Variants in FRMD3 observed in about 807,000 individuals in gnomAD.
FRMD3 encodes FERM domain-containing protein 3.
Under a neutral mutation model 70.2 loss-of-function variants are expected in FRMD3, and 33 were observed. That is an observed-to-expected ratio of 0.47 (90% confidence interval 0.36 to 0.63). FRMD3 has a LOEUF of 0.63. FRMD3 is among the 20% of genes least tolerant of loss of function. The pLI is 0.00. For synonymous variants in FRMD3, 279 were observed against 255.9 expected, an observed-to-expected ratio of 1.09 and a Z score of -0.86; for missense variants, 632 against 711.4, an observed-to-expected ratio of 0.89 and a Z score of 1.27.
At chr9:83,375,257 A>T (rs1177689352) in intron 2 of FRMD3, among the ~76,000 whole-genome samples, 2 of 152,256 alleles carry the variant, frequency 1.3e-5, no homozygotes, top group Admixed American at 6.5e-5. Context: ...CATGCCTGAA[A>T]GGTATTTGCC....
intron 12 of FRMD3, among the ~76,000 whole-genome samples, chr9:83,296,232 G>A (rs566370059): frequency 1.8e-4 from 27 of 152,320 alleles, no homozygotes; most frequent in African/African-American, 6.5e-4. Context: ...CAGCTACTGG[G>A]ATGGAAGGAG....
At chr9:83,324,697 G>T (rs776827695) in intron 6 of FRMD3, among the ~76,000 whole-genome samples, 4 of 152,060 alleles carry the variant, frequency 2.6e-5, no homozygotes, top group Non-Finnish European at 5.9e-5. Context: ...TTTTTATATT[G>T]CCAGGCATAT....
At chr9:83,526,011 T>G (rs1371549103) in intron 1 of FRMD3, among the ~76,000 whole-genome samples, 2 of 152,230 alleles carry the variant, frequency 1.3e-5, no homozygotes, top group Non-Finnish European at 2.9e-5. Flanking sequence ...CAGACCTGTG[T>G]CTCTGGTAAC....
At chr9:83,398,135 C>A (rs1385684591) in intron 1 of FRMD3, among the ~76,000 whole-genome samples, 2 of 152,094 alleles carry the variant, frequency 1.3e-5, no homozygotes, top group Non-Finnish European at 2.9e-5. Context: ...AAAACTCAAG[C>A]CTATTTGTGT....
At chr9:83,543,720 G>T in the FRMD3 span, among the ~76,000 whole-genome samples, 1 of 152,206 alleles carries the variant, frequency 6.6e-6, no homozygotes, top group Admixed American at 6.5e-5. Context: ...GGGAACACCT[G>T]TTAGGACAAA....
rs547818528 is a variant in FRMD3, at chr9:83,491,011, T to C, written c.147+47074A>G. ...GACTTTGACAACCACCACATTTATA[T>C]TTCACTCTAGGATAATCACAATAAA... On this transcript the variant is annotated intron_variant, in intron 1 of 13. Transcript: ENST00000304195. Among the ~76,000 whole-genome samples, 23 of 152,306 alleles carry C rather than the reference T, an allele frequency of 1.5e-4. 1 individual carries two copies. In the South Asian group the frequency reaches 4.8e-3, roughly 32 times the overall value.
chr9:83,392,380 T>C (rs1167870020), intron 1 of FRMD3, among the ~76,000 whole-genome samples: 2 of 152,132 alleles, frequency 1.3e-5, no homozygotes, highest in Non-Finnish European at 2.9e-5. Flanking sequence ...TAAGCTCAGT[T>C]CTTGCACTAA....
intron 1 of FRMD3, among the ~76,000 whole-genome samples, chr9:83,535,454 C>T (rs1038998391): frequency 1.3e-5 from 2 of 152,108 alleles, no homozygotes; most frequent in Non-Finnish European, 2.9e-5. Context: ...ATAGGCAGCA[C>T]TCCTGTAGTG....
At chr9:83,375,730 G>A (rs2131264124) in intron 2 of FRMD3, among the ~76,000 whole-genome samples, 1 of 152,310 alleles carries the variant, frequency 6.6e-6, no homozygotes, top group Non-Finnish European at 1.5e-5. Flanking sequence ...GGTGGAGGGT[G>A]GGAGGAGGGA....
chr9:83,352,655 A>T (rs1824199499), intron 3 of FRMD3, among the ~76,000 whole-genome samples: 1 of 152,076 alleles, frequency 6.6e-6, no homozygotes, highest in Non-Finnish European at 1.5e-5. Context: ...CCTAAAATAA[A>T]CATCCTGGTC....
intron 1 of FRMD3, among the ~76,000 whole-genome samples, chr9:83,399,368 G>A (rs968028548): frequency 2.0e-5 from 3 of 152,026 alleles, no homozygotes; most frequent in African/African-American, 4.8e-5. Context: ...CTAGTCATTC[G>A]GTCATTTCTG....
intron 1 of FRMD3, among the ~76,000 whole-genome samples, chr9:83,440,306 G>A (rs946475878): frequency 6.6e-6 from 1 of 152,232 alleles, no homozygotes; most frequent in African/African-American, 2.4e-5. Context: ...AAATACAAAT[G>A]TAATCAATAC....
At chr9:83,273,561 T>G (rs1833685428) in intron 13 of FRMD3, among the ~76,000 whole-genome samples, 1 of 146,758 alleles carries the variant, frequency 6.8e-6, no homozygotes, top group Admixed American at 6.9e-5. Context: ...CTGCTGACCT[T>G]CCCTCCACTA....
chr9:83,522,794 A>G (rs1739077448), intron 1 of FRMD3, among the ~76,000 whole-genome samples: 1 of 151,734 alleles, frequency 6.6e-6, no homozygotes, highest in Non-Finnish European at 1.5e-5. Context: ...CGATCTCCTG[A>G]CCTCTTAATC....
intron 1 of FRMD3, among the ~76,000 whole-genome samples, chr9:83,426,033 G>A (rs11140080): frequency 0.12 from 17,923 of 151,950 alleles, 1,261 homozygotes; most frequent in African/African-American, 0.18. Flanking sequence ...GCTCACAAGC[G>A]TGAGCAAACC....
At chr9:83,393,948 TG>T (rs199860199) in intron 1 of FRMD3, among the ~76,000 whole-genome samples, 3,840 of 150,626 alleles carry the variant, frequency 0.025, 187 homozygotes, top group African/African-American at 0.084. Context: ...TTGTTGTTGT[TG>T]TTTTTTTTTA....
chr9:83,319,986 C>A (rs141344968), intron 6 of FRMD3, among the ~76,000 whole-genome samples: 1 of 152,260 alleles, frequency 6.6e-6, no homozygotes, highest in African/African-American at 2.4e-5. Context: ...AATAATACTA[C>A]CGATTTCTGC....
chr9:83,539,951 GT>G (rs1829979634), upstream of FRMD3, among the ~76,000 whole-genome samples: 1 of 152,210 alleles, frequency 6.6e-6, no homozygotes, highest in Non-Finnish European at 1.5e-5. Context: ...TGATGGAGAG[GT>G]CAGTATTGAG....
intron 1 of FRMD3, among the ~76,000 whole-genome samples, chr9:83,447,845 C>T (rs1221491510): frequency 6.6e-6 from 1 of 152,218 alleles, no homozygotes. Flanking sequence ...TATTTGTCCT[C>T]ATTGTGCCCA....
Sources: allele counts gnomAD v4.1 joint callset (sites outside exome capture counted in the v4.1 genomes callset), GRCh38; gene constraint gnomAD v4.1.1; transcripts MANE v1.5; gene names NCBI Gene and HGNC (gene_info 2026-07-23, HGNC 2026-07-21).